Variants in SASS6 observed in about 807,000 individuals in gnomAD.
SASS6 encodes the protein spindle assembly abnormal protein 6 homolog.
SASS6 carries 59 observed loss-of-function variants against 94.9 expected under a neutral mutation model. The ratio of observed to expected loss-of-function variants is 0.62; its 90% confidence interval spans 0.50 to 0.77. The LOEUF (loss-of-function observed/expected upper bound fraction) is 0.77. Ranked by LOEUF, SASS6 falls within the 30% of genes least tolerant of loss-of-function variation. The probability of loss-of-function intolerance (pLI) is 0.00; values close to 1 mark genes in which losing one functional copy is unlikely to be tolerated. For synonymous variants in SASS6, 264 were observed against 270.0 expected, an observed-to-expected ratio of 0.98 and a Z score of 0.22; for missense variants, 698 against 734.1, an observed-to-expected ratio of 0.95 and a Z score of 0.57.
chr1:100,123,823 C>G (rs1356867666), intron 2 of SASS6, among the ~76,000 whole-genome samples: 3 of 152,186 alleles, frequency 2.0e-5, no homozygotes, highest in Non-Finnish European at 4.4e-5. Context: ...GGCCAGGTGG[C>G]CACTGATATG....
Position 100,125,854 on chromosome 1 carries a change from A to T in SASS6, c.126+28T>A, listed in dbSNP as rs745836372. The T allele has an allele frequency of 3.6e-6, 4 of 1,104,668 alleles. No homozygotes were observed. In the East Asian group the frequency reaches 9.6e-5, roughly 27 times the overall value. The allele number at this position is 1,104,668 out of a possible 1,614,324, so 68.4% of individuals were successfully genotyped here. ...TAATTGTCTACAATGTACCGAAATG[A>T]TATTTCAAAAAAGGACTAAATACCA... On this transcript the variant is annotated intron_variant, in intron 2 of 16. Transcript: ENST00000287482.
chr1:100,093,204 A>T, intron 14 of SASS6, among the ~76,000 whole-genome samples: 1 of 114,490 alleles, frequency 8.7e-6, no homozygotes, highest in East Asian at 2.6e-4. Context: ...TTTTTGTGAG[A>T]CCTCTCACTC....
chr1:100,092,849 ACAGGCGTAAGGG>A (rs1651828573), intron 14 of SASS6, among the ~76,000 whole-genome samples: 1 of 152,044 alleles, frequency 6.6e-6, no homozygotes, highest in Non-Finnish European at 1.5e-5. Context: ...TGCTTGGATT[ACAGGCGTAAGGG>A]ACCACACCCA....
intron 13 of SASS6, among the ~76,000 whole-genome samples, chr1:100,105,393 G>C (rs1219279676): frequency 6.6e-6 from 1 of 152,040 alleles, no homozygotes; most frequent in Non-Finnish European, 1.5e-5. Context: ...TGGGCGTGGT[G>C]GTGGGCGCCT....
intron 7 of SASS6, among the ~76,000 whole-genome samples, chr1:100,111,461 G>A (rs1048657106): frequency 2.0e-5 from 3 of 151,584 alleles, no homozygotes; most frequent in East Asian, 1.9e-4. Context: ...GCCCTATTAC[G>A]GACATTTAGT....
rs748336085 is a variant in SASS6 at position 100,085,566 on chromosome 1, C to G, written c.1837G>C (p.Gly613Arg). The G allele has an allele frequency of 1.9e-6, 3 of 1,612,942 alleles. No homozygotes were observed. The highest frequency in any genetic ancestry group is 2.5e-6 in the Non-Finnish European group (3 of 1,179,158). ...TTACTAAATAGGTTCTGGCTGAGTCCGCGTAAAGGAATGCTATCTTCCCTT... is the reference window on the plus strand; with the variant it reads ...TTACTAAATAGGTTCTGGCTGAGTCGGCGTAAAGGAATGCTATCTTCCCTT... ...KKREDSIPLRGLSQNLFSNSD... is the reference protein window; with the variant it reads ...KKREDSIPLRRLSQNLFSNSD... The change falls in exon 16 of 17, where the codon GGA (glycine) becomes CGA (arginine). Residue 613 changes from glycine (G) to arginine (R), a missense_variant. Physicochemically the swap from Gly to Arg is moderately radical, Grantham distance 125. Transcript: ENST00000287482.
In SASS6 at chr1:100,107,551, T is replaced by G; in HGVS notation, c.1149A>C (p.Ala383=). 6.3e-7 allele frequency: 1 copy of G among 1,594,682 alleles called. No homozygotes were observed. Among genetic ancestry groups the G allele is most frequent in the Non-Finnish European group, 8.6e-7 (1 of 1,168,804 alleles). Residue 383 remains alanine, a splice_region_variant and synonymous_variant, in exon 11 of 17, where the codon GCA becomes GCC. Transcript: ENST00000287482. ...IKSLSAELLK[A]NEIIKKLQGD... is the part of the protein sequence containing the mutation. The stretch of plus-strand genomic sequence containing the variant: ...CTTGTAACTTCTTGATAATTTCATT[T>G]GCCTATAAAAGAGCTTCATATGTAT...
chr1:100,126,244 C>T (rs748172101), intron 1 of SASS6, among the ~76,000 whole-genome samples: 6 of 152,112 alleles, frequency 3.9e-5, no homozygotes, highest in East Asian at 1.9e-4. Flanking sequence ...TATGACTTTG[C>T]GGCCCTGATT....
chr1:100,101,997 C>T (rs1652529569), intron 14 of SASS6, among the ~76,000 whole-genome samples: 2 of 151,958 alleles, frequency 1.3e-5, no homozygotes, highest in South Asian at 4.2e-4. Flanking sequence ...TTATTTGTCT[C>T]ATTATTTAAG....
At chr1:100,096,722 A>C (rs1652133524) in intron 14 of SASS6, among the ~76,000 whole-genome samples, 1 of 152,244 alleles carries the variant, frequency 6.6e-6, no homozygotes, top group Admixed American at 6.5e-5. Flanking sequence ...AAAAGATTCA[A>C]ATAGAAATAT....
intron 13 of SASS6, among the ~76,000 whole-genome samples, chr1:100,104,848 G>A (rs925990675): frequency 6.6e-6 from 1 of 151,142 alleles, no homozygotes; most frequent in Non-Finnish European, 1.5e-5. Context: ...GGCACTTTGA[G>A]AGGCCGAGGT....
At chr1:100,092,742 A>AT (rs954796974) in intron 14 of SASS6, among the ~76,000 whole-genome samples, 9 of 151,932 alleles carry the variant, frequency 5.9e-5, no homozygotes, top group African/African-American at 2.2e-4. Context: ...TGCCCAGCTA[A>AT]TTTTTTGTAT....
At chr1:100,107,765 TTATAAA>T (rs1378588926) in intron 9 of SASS6, 39 bp downstream of exon 9, 2 of 1,552,806 alleles carry the variant, frequency 1.3e-6, no homozygotes, top group Non-Finnish European at 1.8e-6. Context: ...TTGTGTTTAC[TTATAAA>T]TATGATTATC....
rs918571255 is a variant in SASS6 at position 100,102,321 on chromosome 1, T to G, written c.1674+634A>C. Among the ~76,000 whole-genome samples the G allele has an allele frequency of 2.6e-5, 4 of 151,974 alleles. No homozygotes were observed. The South Asian group carries it at 8.3e-4, about 32-fold the overall frequency. On this transcript the variant is annotated intron_variant, in intron 14 of 16. Coordinates refer to ENST00000287482, the MANE Select transcript of SASS6 (RefSeq NM_194292.3). Reference sequence around the variant, plus strand: ...AATCATAGCTCAGACTCCAACAGTATGAAGTCAGAAATCCTAGCCAGGCCT... The same window carrying G: ...AATCATAGCTCAGACTCCAACAGTAGGAAGTCAGAAATCCTAGCCAGGCCT...
chr1:100,092,657 C>T (rs1651812768), intron 14 of SASS6, among the ~76,000 whole-genome samples: 1 of 152,018 alleles, frequency 6.6e-6, no homozygotes, highest in African/African-American at 2.4e-5. Context: ...CTCGCTGCAA[C>T]CTCCGCCTCC....
intron 14 of SASS6, among the ~76,000 whole-genome samples, chr1:100,095,651 ACTGT>A (rs1443617163): frequency 2.6e-5 from 4 of 152,252 alleles, no homozygotes; most frequent in Non-Finnish European, 5.9e-5. Flanking sequence ...AGATGACATA[ACTGT>A]CTATGTGGAA....
chr1:100,101,182 G>C (rs915061414), intron 14 of SASS6, among the ~76,000 whole-genome samples: 3 of 152,124 alleles, frequency 2.0e-5, no homozygotes, highest in African/African-American at 7.2e-5. Flanking sequence ...ACTTCAGGTT[G>C]ATAGAGGCAG....
At chr1:100,124,543 G>A (rs1315036502) in intron 2 of SASS6, among the ~76,000 whole-genome samples, 1 of 152,128 alleles carries the variant, frequency 6.6e-6, no homozygotes, top group African/African-American at 2.4e-5. Flanking sequence ...ACCACATTCA[G>A]CTAATTTGTG....
chr1:100,109,959 G>A (rs140307696), intron 8 of SASS6, among the ~76,000 whole-genome samples: 143 of 151,712 alleles, frequency 9.4e-4, no homozygotes, highest in African/African-American at 3.3e-3. Flanking sequence ...TGTTAAGCAG[G>A]TTGAGGAAAA....
Sources: gnomAD v4.1 joint callset for allele counts (sites outside exome capture counted in the v4.1 genomes callset) on GRCh38, gnomAD v4.1.1 for gene constraint, MANE v1.5 for transcripts, NCBI Gene and HGNC (gene_info 2026-07-23, HGNC 2026-07-21) for gene names.